Variants in ATP11C observed in about 807,000 individuals in gnomAD.
ATP11C encodes the protein ATPase phospholipid transporting 11C (ATP11C blood group).
In ATP11C, 36 loss-of-function variants were observed where a neutral mutation model predicts 97.4. The ratio of observed to expected loss-of-function variants is 0.37; its 90% CI spans 0.28 to 0.49. The LOEUF (loss-of-function observed/expected upper bound fraction) is 0.49, where lower values mean the gene tolerates loss of function less well. ATP11C is among the 20% of genes least tolerant of loss of function. ATP11C has a pLI of 0.98. For missense variants in ATP11C, 730 were observed against 824.6 expected, an observed-to-expected ratio of 0.89 and a Z score of 1.40; for synonymous variants, 275 against 290.9, an observed-to-expected ratio of 0.95 and a Z score of 0.56.
At chrX:139,834,059 T>C (rs764115413) in intron 1 of ATP11C, among the ~76,000 whole-genome samples, 149 of 111,980 alleles carry the variant, frequency 1.3e-3, no homozygotes, top group African/African-American at 4.4e-3. Flanking sequence ...CACATGTAAA[T>C]GTTTTATTTA....
chrX:139,775,198 T>C (rs2082325874), intron 18 of ATP11C, among the ~76,000 whole-genome samples: 1 of 112,113 alleles, frequency 8.9e-6, no homozygotes, highest in African/African-American at 3.2e-5. Context: ...GTAACTGGTA[T>C]CCAATGGCAG....
intron 1 of ATP11C, among the ~76,000 whole-genome samples, chrX:139,847,286 G>A (rs1477466361): frequency 9.0e-6 from 1 of 111,027 alleles, no homozygotes; most frequent in Admixed American, 9.6e-5. Flanking sequence ...GGGAGATTGA[G>A]GCAGGAGGAT....
intron 1 of ATP11C, among the ~76,000 whole-genome samples, chrX:139,853,482 AAGAG>A (rs771092968): frequency 9.9e-5 from 11 of 110,829 alleles, no homozygotes; most frequent in African/African-American, 2.0e-4. Flanking sequence ...GTCAAAGAGA[AAGAG>A]AGAGAGATAT....
intron 1 of ATP11C, among the ~76,000 whole-genome samples, chrX:139,890,987 T>C (rs1387339166): frequency 2.7e-5 from 3 of 111,045 alleles, no homozygotes; most frequent in African/African-American, 9.8e-5. Flanking sequence ...CATTAAGTTC[T>C]AGGGTACTAA....
chrX:139,810,554 C>A (rs1402733515), intron 5 of ATP11C, among the ~76,000 whole-genome samples: 1 of 112,266 alleles, frequency 8.9e-6, no homozygotes, highest in East Asian at 2.8e-4. Flanking sequence ...AAAGAGAAAT[C>A]AGAAAATATT....
At chrX:139,762,726 C>T (rs970438472) in intron 21 of ATP11C, among the ~76,000 whole-genome samples, 2 of 111,157 alleles carry the variant, frequency 1.8e-5, no homozygotes, top group African/African-American at 3.3e-5. Context: ...ACCACCCTGC[C>T]AAAACAAACA....
chrX:139,736,824 T>C (rs2081453957), intron 28 of ATP11C, among the ~76,000 whole-genome samples: 1 of 111,259 alleles, frequency 9.0e-6, no homozygotes, highest in Non-Finnish European at 1.9e-5. Flanking sequence ...CTATGACAGT[T>C]CTCTTGTTTT....
intron 15 of ATP11C, 113 bp downstream of exon 15, chrX:139,787,060 G>A (rs2148727274): frequency 9.7e-7 from 1 of 1,034,602 alleles, no homozygotes; most frequent in East Asian, 3.3e-5. Flanking sequence ...TGAACTGGGA[G>A]AGCAGGGTCC....
At chrX:139,742,834 ATTT>A (rs1259056469) in intron 26 of ATP11C, among the ~76,000 whole-genome samples, 1 of 88,904 alleles carries the variant, frequency 1.1e-5, no homozygotes, top group South Asian at 6.1e-4. Flanking sequence ...CATTTTATAT[ATTT>A]TTATTTTTTT....
intron 18 of ATP11C, among the ~76,000 whole-genome samples, chrX:139,778,739 A>C (rs780557889): frequency 9.0e-6 from 1 of 111,433 alleles, no homozygotes; most frequent in Admixed American, 9.5e-5. Flanking sequence ...CTGAGGCAGG[A>C]GAATGGTTTG....
intron 27 of ATP11C, among the ~76,000 whole-genome samples, chrX:139,738,962 T>C (rs968590318): frequency 2.7e-5 from 3 of 111,724 alleles, no homozygotes; most frequent in Non-Finnish European, 5.7e-5. Flanking sequence ...TGGTTTCTCA[T>C]TTAAAAATTA....
intron 6 of ATP11C, 144 bp from the exon 7 acceptor site, chrX:139,802,483 T>A: frequency 2.7e-6 from 1 of 365,705 alleles, no homozygotes; most frequent in Non-Finnish European, 4.8e-6. Flanking sequence ...TTCCCACTAA[T>A]AAGTTTTATG....
intron 1 of ATP11C, among the ~76,000 whole-genome samples, chrX:139,872,857 A>G (rs1224446307): frequency 8.9e-6 from 1 of 111,994 alleles, no homozygotes; most frequent in Non-Finnish European, 1.9e-5. Context: ...CTGATGCAGC[A>G]ATTTGCATTA....
chrX:139,775,094 T>C, intron 18 of ATP11C, 141 bp from the exon 19 acceptor site: 1 of 558,779 alleles, frequency 1.8e-6, no homozygotes, highest in Non-Finnish European at 2.6e-6. Context: ...TTCATATACA[T>C]CCCCTACTCA....
chrX:139,797,166 A>G lies in ATP11C; in HGVS notation c.1008+10T>C. The G allele has an allele frequency of 8.3e-7, 1 of 1,198,522 alleles. No homozygotes were observed. Among genetic ancestry groups the G allele is most frequent in the Non-Finnish European group, 1.1e-6 (1 of 891,446 alleles). On this transcript the variant is annotated intron_variant, in intron 11 of 29. Transcript: ENST00000682941. ...AAAATAGTTTCAATTTTCAGCAGAAAACAAATTACCTTCAAGGTCTCTCGC... is the reference window on the plus strand; with the variant it reads ...AAAATAGTTTCAATTTTCAGCAGAAGACAAATTACCTTCAAGGTCTCTCGC...
At chrX:139,774,627 T>C (rs970207883) in intron 19 of ATP11C, 63 bp downstream of exon 19, 8 of 989,632 alleles carry the variant, frequency 8.1e-6, no homozygotes, top group Admixed American at 2.8e-5. Flanking sequence ...GCCTTTTGTA[T>C]ATGCAGCTGT....
intron 28 of ATP11C, among the ~76,000 whole-genome samples, chrX:139,733,289 T>A (rs1413893515): frequency 8.9e-6 from 1 of 111,777 alleles, no homozygotes; most frequent in East Asian, 2.8e-4. Context: ...GTGCCTGAAA[T>A]TATAAGGTAA....
intron 1 of ATP11C, among the ~76,000 whole-genome samples, chrX:139,877,972 G>A (rs1315524218): frequency 9.0e-6 from 1 of 111,380 alleles, no homozygotes; most frequent in Non-Finnish European, 1.9e-5. Flanking sequence ...GCAGTGAGCC[G>A]AGATCATGCC....
intron 1 of ATP11C, among the ~76,000 whole-genome samples, chrX:139,838,412 A>G (rs925363670): frequency 3.7e-5 from 4 of 107,119 alleles, no homozygotes; most frequent in African/African-American, 1.0e-4. Flanking sequence ...AGCCTGTAAG[A>G]AAAAAAAAAA....
Sources: allele counts gnomAD v4.1 joint callset (sites outside exome capture counted in the v4.1 genomes callset), GRCh38; gene constraint gnomAD v4.1.1; transcripts MANE v1.5; gene names NCBI Gene and HGNC (gene_info 2026-07-23, HGNC 2026-07-21).